ZNF292: variants seen among roughly 807,000 people sequenced by gnomAD.
ZNF292 encodes 16 zinc-finger domain protein.
In ZNF292, 26 loss-of-function variants were observed where a neutral mutation model predicts 217.9. The ratio of observed to expected loss-of-function variants is 0.12; its 90% confidence interval spans 0.09 to 0.17. The LOEUF is 0.17. ZNF292 is among the 10% of genes least tolerant of loss of function. The pLI, the probability that ZNF292 is intolerant of heterozygous loss-of-function variation, is 1.00. For synonymous variants in ZNF292, 1,257 were observed against 1,124.1 expected (o/e 1.12, Z -2.37); for missense variants, 2,904 against 3,175.2 (o/e 0.91, Z 2.05).
chr6:87,196,578 T>C (rs984642592), intron 1 of ZNF292, among the ~76,000 whole-genome samples: 8 of 152,248 alleles, frequency 5.3e-5, no homozygotes, highest in African/African-American at 1.9e-4. Context: ...ACATCTCTTA[T>C]TTACTTAGTG....
At position 87,244,165 on chromosome 6, in the gene ZNF292, C is replaced by A. The variant is rs1003193650; in HGVS notation, c.878+554C>A. On this transcript the variant is annotated intron_variant, in intron 6 of 7. Transcript: ENST00000369577. ...GAAAATTTGATTTATAAAATTCCAA[C>A]ATTTAAGAATATTTACCAAATGACA... Among the ~76,000 whole-genome samples the A allele has an allele frequency of 5.3e-4, 80 of 152,118 alleles. 1 individual carries two copies. Among genetic ancestry groups the A allele is most frequent in the African/African-American group, 1.7e-3 (72 of 41,410 alleles).
At chr6:87,222,285 A>C (rs1044780857) in intron 4 of ZNF292, among the ~76,000 whole-genome samples, 6 of 152,190 alleles carry the variant, frequency 3.9e-5, no homozygotes, top group Non-Finnish European at 8.8e-5. Flanking sequence ...GATACTTAAA[A>C]AAATCTTTCT....
intron 1 of ZNF292, among the ~76,000 whole-genome samples, chr6:87,168,178 A>G (rs59344869): frequency 0.1 from 15,920 of 152,226 alleles, 1,112 homozygotes; most frequent in African/African-American, 0.19. Context: ...CTGAAGACCT[A>G]TGAGATCATA....
chr6:87,246,005 G>T (rs1380682950), intron 7 of ZNF292, among the ~76,000 whole-genome samples: 1 of 152,234 alleles, frequency 6.6e-6, no homozygotes, highest in African/African-American at 2.4e-5. Context: ...GGCCAAGGCA[G>T]GCAGATCACA....
At chr6:87,159,196 G>T (rs1387799975) in intron 1 of ZNF292, among the ~76,000 whole-genome samples, 1 of 152,050 alleles carries the variant, frequency 6.6e-6, no homozygotes, top group South Asian at 2.1e-4. Flanking sequence ...GAATAGAAAC[G>T]AAAGGCATTA....
rs540932594 is a variant in ZNF292 at position 87,185,915 on chromosome 6, C to T, written c.169-29988C>T. Among the ~76,000 whole-genome samples the T allele has an allele frequency of 1.0e-3, 159 of 152,288 alleles. 1 individual carries two copies. Among genetic ancestry groups the T allele is most frequent in the African/African-American group, 3.6e-3 (149 of 41,552 alleles). On this transcript the variant is annotated intron_variant, in intron 1 of 7. Coordinates refer to ENST00000369577, the MANE Select transcript of ZNF292 (RefSeq NM_015021.3). ...GGACCTTCCACGCCCTGCCTGGGTA[C>T]ACCTCCCTCCAGAAACCTCATGCAC... is the stretch of plus-strand genomic sequence containing the variant.
intron 5 of ZNF292, among the ~76,000 whole-genome samples, chr6:87,239,132 C>A (rs1394948343): frequency 2.0e-5 from 3 of 152,250 alleles, no homozygotes; most frequent in African/African-American, 7.2e-5. Flanking sequence ...CCCCACATTT[C>A]CCCCTTTTCT....
chr6:87,249,854 C>T (rs1490761362), intron 7 of ZNF292, among the ~76,000 whole-genome samples: 2 of 151,786 alleles, frequency 1.3e-5, no homozygotes, highest in South Asian at 2.1e-4. Context: ...GGATTACAGG[C>T]GGACGCCACC....
chr6:87,214,111 A>G (rs1772622262), intron 1 of ZNF292, among the ~76,000 whole-genome samples: 1 of 152,194 alleles, frequency 6.6e-6, no homozygotes, highest in African/African-American at 2.4e-5. Flanking sequence ...TAGTGACATG[A>G]TTAGGCAAAT....
At chr6:87,185,689 G>A (rs1432863971) in intron 1 of ZNF292, among the ~76,000 whole-genome samples, 1 of 152,122 alleles carries the variant, frequency 6.6e-6, no homozygotes, top group Non-Finnish European at 1.5e-5. Context: ...GGCTGGTCTT[G>A]AACACCTGAG....
intron 1 of ZNF292, among the ~76,000 whole-genome samples, chr6:87,171,696 G>T (rs546290565): frequency 1.0e-3 from 158 of 152,138 alleles, no homozygotes; most frequent in Non-Finnish European, 1.9e-3. Flanking sequence ...TTCAAAGTCT[G>T]GTATGTATTT....
intron 1 of ZNF292, among the ~76,000 whole-genome samples, chr6:87,195,056 T>C (rs964251137): frequency 2.6e-5 from 4 of 152,160 alleles, no homozygotes; most frequent in Non-Finnish European, 4.4e-5. Context: ...GACTAAGTTT[T>C]AGAAAGTAAT....
chr6:87,175,892 C>T (rs1432305442), intron 1 of ZNF292, among the ~76,000 whole-genome samples: 2 of 152,134 alleles, frequency 1.3e-5, no homozygotes, highest in South Asian at 2.1e-4. Context: ...CTCCTCTTGG[C>T]TGTTTAAAAT....
intron 4 of ZNF292, chr6:87,223,014 A>C (rs1282476737): frequency 1.1e-5 from 3 of 264,082 alleles, no homozygotes; most frequent in Non-Finnish European, 2.4e-5. Context: ...ATCACATTAT[A>C]TAAAGGGTAT....
chr6:87,193,846 A>G (rs1275129838), intron 1 of ZNF292, among the ~76,000 whole-genome samples: 3 of 152,224 alleles, frequency 2.0e-5, no homozygotes, highest in Non-Finnish European at 4.4e-5. Context: ...GTGTATGCAG[A>G]TATTCCAGAA....
intron 7 of ZNF292, among the ~76,000 whole-genome samples, chr6:87,247,636 A>G (rs1774671435): frequency 6.6e-6 from 1 of 152,220 alleles, no homozygotes; most frequent in Non-Finnish European, 1.5e-5. Flanking sequence ...TATTGTCAAC[A>G]CAGGCGTCTC....
At chr6:87,238,180 A>G (rs180692356) in intron 5 of ZNF292, among the ~76,000 whole-genome samples, 233 of 152,272 alleles carry the variant, frequency 1.5e-3, no homozygotes, top group Admixed American at 4.3e-3. Flanking sequence ...TCACAAATTT[A>G]TATTTTTAAA....
At position 87,259,708 on chromosome 6, in the gene ZNF292, G is replaced by T. The variant is rs771470765; in HGVS notation, c.6079G>T (p.Ala2027Ser). The T allele has an allele frequency of 1.5e-5, 24 of 1,601,790 alleles. No individual in the cohort carries two copies. In the South Asian group the frequency reaches 1.6e-4, roughly 11 times the overall value. The change falls in exon 8 of 8, where the codon GCA (alanine) becomes TCA (serine). Residue 2027 changes from alanine (A) to serine (S), a missense_variant. Physicochemically the swap from Ala to Ser is moderately conservative, Grantham distance 99. Transcript: ENST00000369577. ...ATCTCAGCCTGCTTTAGAATTGAGA[G>T]CAGAGACCCAAAATACCCACAGTAA... is the stretch of plus-strand genomic sequence containing the variant. The part of the protein sequence containing the change: ...KESQPALELR[A>S]ETQNTHSNVA...
chr6:87,229,945 C>G (rs1388937601), intron 4 of ZNF292, among the ~76,000 whole-genome samples: 1 of 144,634 alleles, frequency 6.9e-6, no homozygotes, highest in Non-Finnish European at 1.5e-5. Context: ...ACGAAGTAGT[C>G]TGATTAGTGA....
Sources: gnomAD v4.1 joint callset for allele counts (sites outside exome capture counted in the v4.1 genomes callset) on GRCh38, gnomAD v4.1.1 for gene constraint, MANE v1.5 for transcripts, NCBI Gene and HGNC (gene_info 2026-07-23, HGNC 2026-07-21) for gene names.